ALG13: variants seen among roughly 807,000 people sequenced by gnomAD.
The protein encoded by ALG13 is UDP-N-acetylglucosamine transferase subunit ALG13.
A neutral mutation model predicts 87.8 loss-of-function variants in ALG13; 11 were observed. The observed-to-expected ratio is 0.13, with a 90% CI of 0.08 to 0.21. The LOEUF is 0.21. Among genes scored for constraint, ALG13 ranks in the 10% least tolerant of loss-of-function variants. The pLI, the probability that ALG13 is intolerant of heterozygous loss-of-function variation, is 1.00. For missense variants in ALG13, 756 were observed against 866.1 expected, an observed-to-expected ratio of 0.87 and a Z score of 1.60; for synonymous variants, 320 against 306.3, an observed-to-expected ratio of 1.04 and a Z score of -0.47.
At chrX:111,705,393 T>C (rs1014453570) in intron 3 of ALG13, among the ~76,000 whole-genome samples, 1 of 111,938 alleles carries the variant, frequency 8.9e-6, no homozygotes, top group Non-Finnish European at 1.9e-5. Flanking sequence ...TGGTTAGATA[T>C]GTGATGTAAA....
At chrX:111,739,342 G>C (rs1203906300) in intron 23 of ALG13, among the ~76,000 whole-genome samples, 1 of 112,159 alleles carries the variant, frequency 8.9e-6, no homozygotes, top group Non-Finnish European at 1.9e-5. Context: ...CTTGACACCT[G>C]GGGATTACAA....
intron 18 of ALG13, 50 bp from the exon 19 acceptor site, chrX:111,728,135 T>G: frequency 2.5e-6 from 3 of 1,207,934 alleles, no homozygotes; most frequent in Non-Finnish European, 3.4e-6. Flanking sequence ...TAGCTTTTTT[T>G]TCTGACTATA....
chrX:111,757,719 G>T lies in ALG13; in HGVS notation c.3105G>T (p.Glu1035Asp). 1 of 1,210,415 alleles carries T rather than the reference G, an allele frequency of 8.3e-7. No individual in the cohort carries two copies. ...AAACCGTTCCTCAATGCTACAGTGA[G>T]GTGAGGAGAGAAGATGGCATACAGG... The part of the protein sequence containing the change: ...VDQTVPQCYS[E>D]VRREDGIQAE... Residue 1035 changes from glutamate to aspartate, a missense_variant, in exon 26 of 27, where the codon GAG becomes GAT. By Grantham distance (45) the Glu-to-Asp change is conservative. Coordinates refer to ENST00000394780, the MANE Select transcript of ALG13 (RefSeq NM_001099922.3).
chrX:111,726,788 A>G, intron 15 of ALG13, 21 bp from the exon 16 acceptor site: 3 of 1,209,784 alleles, frequency 2.5e-6, no homozygotes, highest in Non-Finnish European at 3.4e-6. Context: ...CTTATTTGCT[A>G]CCTCTTTGTT....
At chrX:111,682,089 T>C (rs777630603) in intron 1 of ALG13, 43 bp from the exon 2 acceptor site, 3 of 1,113,499 alleles carry the variant, frequency 2.7e-6, no homozygotes, top group East Asian at 6.4e-5. Flanking sequence ...CTGTTTTACA[T>C]AGCCAGTTTA....
chrX:111,748,880 C>T (rs1044066621), intron 24 of ALG13, among the ~76,000 whole-genome samples: 4 of 110,729 alleles, frequency 3.6e-5, no homozygotes, highest in East Asian at 5.7e-4. Context: ...GTCAGGAGTT[C>T]GAGTCCAGCC....
In ALG13 at chrX:111,752,889, G is replaced by T. The variant is rs1036352295; in HGVS notation, c.2973+59G>T. Reference sequence around the variant, plus strand: ...CTATTTTCAAAGTATAGACCGTTTTGATAATCAGACTCTTGAACTTCGAAA... The same window carrying T: ...CTATTTTCAAAGTATAGACCGTTTTTATAATCAGACTCTTGAACTTCGAAA... On this transcript the variant is annotated intron_variant, in intron 25 of 26. Coordinates refer to ENST00000394780, the MANE Select transcript of ALG13 (RefSeq NM_001099922.3). 4.3e-5 allele frequency: 40 copies of T among 927,811 alleles called. No homozygotes were observed. The Admixed American group carries it at 7.4e-4, about 17-fold the overall frequency. 76.5% of individuals were successfully genotyped at this position (927,811 alleles called of 1,213,427 possible).
chrX:111,747,235 A>G (rs939557216), intron 24 of ALG13, among the ~76,000 whole-genome samples: 2 of 111,968 alleles, frequency 1.8e-5, no homozygotes, highest in African/African-American at 3.2e-5. Flanking sequence ...ATTATTATTC[A>G]TCCCCCAACT....
intron 2 of ALG13, among the ~76,000 whole-genome samples, chrX:111,683,066 A>G (rs1374647164): frequency 9.1e-6 from 1 of 109,730 alleles, no homozygotes; most frequent in Non-Finnish European, 1.9e-5. Flanking sequence ...AGACATTACC[A>G]ACAGATTCGT....
rs988027264 is a variant in ALG13 at position 111,686,565 on chromosome X, G to C, written c.383+1462G>C. Reference sequence around the variant, plus strand: ...TGGTGTCCTTATCACTATAATGTTGGAGAAGAGGGAATGTCAGGGTGGCTG... The same window carrying C: ...TGGTGTCCTTATCACTATAATGTTGCAGAAGAGGGAATGTCAGGGTGGCTG... On this transcript the variant is annotated intron_variant, in intron 3 of 26. Coordinates refer to ENST00000394780, the MANE Select transcript of ALG13 (RefSeq NM_001099922.3). Among the ~76,000 whole-genome samples, 9 of 111,854 alleles carry C rather than the reference G, an allele frequency of 8.0e-5. No homozygotes were observed. In the Admixed American group the frequency reaches 8.6e-4, roughly 11 times the overall value.
chrX:111,686,525 C>T (rs1408013537), intron 3 of ALG13, among the ~76,000 whole-genome samples: 1 of 111,625 alleles, frequency 9.0e-6, no homozygotes, highest in Non-Finnish European at 1.9e-5. Context: ...TTGATTATTT[C>T]AGGAGTGAAA....
chrX:111,702,718 T>C (rs1016847668), intron 3 of ALG13, among the ~76,000 whole-genome samples: 5 of 111,001 alleles, frequency 4.5e-5, no homozygotes, highest in Non-Finnish European at 9.5e-5. Flanking sequence ...TTTTCTCTTG[T>C]GTTGAATCTC....
chrX:111,681,467 G>A, intron 1 of ALG13, 168 bp downstream of exon 1: 1 of 1,079,055 alleles, frequency 9.3e-7, no homozygotes, highest in South Asian at 2.3e-5. Flanking sequence ...GCCCGGCGGG[G>A]CCCTTCTCCG....
At chrX:111,752,720 A>G in intron 24 of ALG13, 70 bp from the exon 25 acceptor site, 1 of 831,650 alleles carries the variant, frequency 1.2e-6, no homozygotes, top group Non-Finnish European at 1.7e-6. Context: ...CCAGCCAGAA[A>G]AGCTTTTAAA....
intron 1 of ALG13, 178 bp downstream of exon 1, chrX:111,681,477 G>A (rs1933139655): frequency 8.4e-6 from 9 of 1,065,116 alleles, no homozygotes; most frequent in East Asian, 3.4e-5. Context: ...GCCCTTCTCC[G>A]GCTACCCGGC....
intron 3 of ALG13, chrX:111,689,948 T>A (rs189001263): frequency 2.7e-6 from 2 of 752,130 alleles, no homozygotes; most frequent in Non-Finnish European, 1.6e-6. Flanking sequence ...TACCTAGGAC[T>A]TAGAAATCTG....
intron 2 of ALG13, 72 bp downstream of exon 2, chrX:111,682,366 G>A: frequency 1.1e-6 from 1 of 884,561 alleles, no homozygotes; most frequent in East Asian, 3.4e-5. Flanking sequence ...GGTATTCTGG[G>A]GGTACATGTG....
At chrX:111,697,969 T>C (rs1257286469) in intron 3 of ALG13, among the ~76,000 whole-genome samples, 1 of 111,967 alleles carries the variant, frequency 8.9e-6, no homozygotes, top group Non-Finnish European at 1.9e-5. Context: ...TGTTTCTTGC[T>C]CACTAATGAT....
Position 111,685,209 on chromosome X carries a change from C to T in ALG13, c.383+106C>T, listed in dbSNP as rs138105583. 116 of 877,961 alleles carry T rather than the reference C, an allele frequency of 1.3e-4. 1 individual carries two copies. In the East Asian group the frequency reaches 3.8e-3, roughly 29 times the overall value. 72.4% of individuals were successfully genotyped at this position (877,961 alleles called of 1,213,427 possible). Reference sequence around the variant, plus strand: ...TGTCTCTTCTGCCTCTTACCTTCTCCCAGTTACCAAACCTTTTGATTTTCT... The same window carrying T: ...TGTCTCTTCTGCCTCTTACCTTCTCTCAGTTACCAAACCTTTTGATTTTCT... On this transcript the variant is annotated intron_variant, in intron 3 of 26. Transcript: ENST00000394780.
Sources: gnomAD v4.1 joint callset for allele counts (sites outside exome capture counted in the v4.1 genomes callset) on GRCh38, gnomAD v4.1.1 for gene constraint, MANE v1.5 for transcripts, NCBI Gene and HGNC (gene_info 2026-07-23, HGNC 2026-07-21) for gene names.